The following PLCXD3 variants were observed in gnomAD, a reference collection of about 807,000 sequenced individuals.
PLCXD3 encodes PI-PLC X domain-containing protein 3.
A neutral mutation model predicts 25.5 loss-of-function variants in PLCXD3; 19 were observed. That is an observed-to-expected ratio of 0.75 (90% CI 0.52 to 1.09). PLCXD3 has a LOEUF of 1.09. PLCXD3 is among the 50% of genes least tolerant of loss of function. The pLI, the probability that PLCXD3 is intolerant of heterozygous loss-of-function variation, is 0.00. For missense variants in PLCXD3, 411 were observed against 388.1 expected (o/e 1.06, Z -0.50); for synonymous variants, 174 against 137.6 (o/e 1.26, Z -1.85).
chr5:41,412,866 G>T (rs1219986637), intron 1 of PLCXD3, among the ~76,000 whole-genome samples: 1 of 152,172 alleles, frequency 6.6e-6, no homozygotes, highest in African/African-American at 2.4e-5. Context: ...AAGGAAAACT[G>T]TAAAGCCTTT....
chr5:41,390,791 C>T (rs568967149), intron 1 of PLCXD3, among the ~76,000 whole-genome samples: 4 of 152,096 alleles, frequency 2.6e-5, no homozygotes, highest in Non-Finnish European at 5.9e-5. Flanking sequence ...GTTTTAACTT[C>T]ATATTGCTGA....
intron 2 of PLCXD3, among the ~76,000 whole-genome samples, chr5:41,378,116 T>C (rs910006315): frequency 6.6e-6 from 1 of 152,084 alleles, no homozygotes; most frequent in Admixed American, 6.6e-5. Flanking sequence ...CAACAAGTTC[T>C]GGGGAGTCAA....
chr5:41,346,396 T>C (rs1400352551), intron 2 of PLCXD3, among the ~76,000 whole-genome samples: 1 of 152,206 alleles, frequency 6.6e-6, no homozygotes, highest in African/African-American at 2.4e-5. Context: ...CACAGTTCTA[T>C]GGGTTTTGAC....
At chr5:41,361,431 C>A (rs536406942) in intron 2 of PLCXD3, among the ~76,000 whole-genome samples, 5 of 152,236 alleles carry the variant, frequency 3.3e-5, no homozygotes, top group African/African-American at 9.6e-5. Flanking sequence ...ATTGTCTCAG[C>A]TTTCCTGGAA....
chr5:41,445,997 C>A (rs2150512804), intron 1 of PLCXD3, among the ~76,000 whole-genome samples: 1 of 151,628 alleles, frequency 6.6e-6, no homozygotes, highest in East Asian at 2.0e-4. Context: ...ACTATCCTGG[C>A]TAACATGGTG....
chr5:41,409,562 T>G (rs1746457117), intron 1 of PLCXD3, among the ~76,000 whole-genome samples: 1 of 152,190 alleles, frequency 6.6e-6, no homozygotes, highest in African/African-American at 2.4e-5. Context: ...CATGATCTAG[T>G]GATATTTTCT....
rs538347381 is a variant in PLCXD3 at position 41,374,031 on chromosome 5, G to A, written c.812+7795C>T. On this transcript the variant is annotated intron_variant, in intron 2 of 2. Transcript: ENST00000377801. ...GAACTTGAATCTGGCAGGCCCTGTG[G>A]GTAGAGGAGCTGTAGCTTAGATTTA... Among the ~76,000 whole-genome samples the A allele has an allele frequency of 5.5e-4, 84 of 152,188 alleles. 1 individual carries two copies. The highest frequency in any genetic ancestry group is 1.7e-3 in the African/African-American group (70 of 41,552).
intron 1 of PLCXD3, among the ~76,000 whole-genome samples, chr5:41,492,206 C>T (rs1442640250): frequency 2.0e-5 from 3 of 151,044 alleles, no homozygotes; most frequent in African/African-American, 7.3e-5. Context: ...CTTAGTTTGG[C>T]TGGATATGAA....
intron 2 of PLCXD3, among the ~76,000 whole-genome samples, chr5:41,371,651 T>C (rs1465369647): frequency 1.3e-5 from 2 of 152,164 alleles, no homozygotes; most frequent in Admixed American, 1.3e-4. Flanking sequence ...CATGGTATGT[T>C]CTCCCTTGCT....
chr5:41,402,948 A>G (rs896547961), intron 1 of PLCXD3, among the ~76,000 whole-genome samples: 6 of 152,136 alleles, frequency 3.9e-5, no homozygotes, highest in Non-Finnish European at 7.4e-5. Context: ...TTTTATATCC[A>G]GTCTGACAAT....
chr5:41,360,542 C>T (rs1033464827), intron 2 of PLCXD3, among the ~76,000 whole-genome samples: 20 of 151,718 alleles, frequency 1.3e-4, no homozygotes, highest in Admixed American at 2.0e-4. Context: ...TTTTATCCCA[C>T]GGAGTGCTCC....
At chr5:41,370,961 C>T (rs896240749) in intron 2 of PLCXD3, among the ~76,000 whole-genome samples, 1 of 152,148 alleles carries the variant, frequency 6.6e-6, no homozygotes, top group African/African-American at 2.4e-5. Flanking sequence ...TTCTCTCCAT[C>T]ATCTGGGAAA....
intron 1 of PLCXD3, among the ~76,000 whole-genome samples, chr5:41,404,263 A>G (rs565203547): frequency 4.6e-5 from 7 of 152,238 alleles, no homozygotes; most frequent in East Asian, 1.9e-4. Context: ...TTTCACACCT[A>G]CTTTGCAGGA....
chr5:41,432,148 A>C (rs1450991957), intron 1 of PLCXD3, among the ~76,000 whole-genome samples: 1 of 152,204 alleles, frequency 6.6e-6, no homozygotes, highest in East Asian at 1.9e-4. Flanking sequence ...ATACTGGGAA[A>C]TTGTTTAAAT....
At chr5:41,375,988 G>A (rs1271202582) in intron 2 of PLCXD3, among the ~76,000 whole-genome samples, 1 of 152,048 alleles carries the variant, frequency 6.6e-6, no homozygotes, top group Non-Finnish European at 1.5e-5. Context: ...AGGATGCAAG[G>A]CCTTAAATGG....
At chr5:41,329,375 C>A (rs1743724053) in intron 2 of PLCXD3, among the ~76,000 whole-genome samples, 1 of 152,122 alleles carries the variant, frequency 6.6e-6, no homozygotes, top group African/African-American at 2.4e-5. Context: ...ACTGTTGTAG[C>A]CTGGGTGCTT....
At chr5:41,474,224 G>A (rs944507506) in intron 1 of PLCXD3, among the ~76,000 whole-genome samples, 1 of 152,200 alleles carries the variant, frequency 6.6e-6, no homozygotes, top group Admixed American at 6.5e-5. Context: ...AGAAAGGGCA[G>A]GGAGGAGGAG....
intron 1 of PLCXD3, among the ~76,000 whole-genome samples, chr5:41,386,123 C>T (rs1380996): frequency 0.51 from 77,387 of 151,874 alleles, 21,731 homozygotes; most frequent in South Asian, 0.71. Flanking sequence ...GGACTTGTGG[C>T]CAATAGACCC....
intron 1 of PLCXD3, among the ~76,000 whole-genome samples, chr5:41,508,640 A>C (rs1237785542): frequency 6.6e-6 from 1 of 152,230 alleles, no homozygotes; most frequent in Non-Finnish European, 1.5e-5. Context: ...ATACCATCTC[A>C]GAACTAGATA....
Sources: gnomAD v4.1 joint callset for allele counts (sites outside exome capture counted in the v4.1 genomes callset) on GRCh38, gnomAD v4.1.1 for gene constraint, MANE v1.5 for transcripts, NCBI Gene and HGNC (gene_info 2026-07-23, HGNC 2026-07-21) for gene names.